COMMD6: variants seen among roughly 807,000 people sequenced by gnomAD.
COMMD6 encodes COMM domain containing 6.
COMMD6 carries 11 observed loss-of-function variants against 13.4 expected under a neutral mutation model. The ratio of observed to expected loss-of-function variants is 0.82; its 90% CI spans 0.52 to 1.36. COMMD6 has a LOEUF of 1.36. Ranked by LOEUF, COMMD6 falls within the 40% of genes most tolerant of loss-of-function variation. The pLI, the probability that COMMD6 is intolerant of heterozygous loss-of-function variation, is 0.00. For synonymous variants in COMMD6, 43 were observed against 36.5 expected, an observed-to-expected ratio of 1.18 and a Z score of -0.64; for missense variants, 124 against 102.4, an observed-to-expected ratio of 1.21 and a Z score of -0.91.
intron 3 of COMMD6, 106 bp from the exon 4 acceptor site, chr13:75,526,745 G>A (rs948378140): frequency 1.5e-6 from 1 of 666,234 alleles, no homozygotes; most frequent in Non-Finnish European, 2.4e-6. Context: ...TATTAAGTTT[G>A]CATTTTAGTG....
chr13:75,537,897 A>T, upstream of COMMD6: 1 of 1,355,796 alleles, frequency 7.4e-7, no homozygotes, highest in Non-Finnish European at 1.0e-6. Flanking sequence ...GGCCTGGCGC[A>T]TGGGGCGGAC....
At chr13:75,543,138 T>A (rs1169129394), upstream of COMMD6, among the ~76,000 whole-genome samples, 1 of 152,146 alleles carries the variant, frequency 6.6e-6, no homozygotes, top group Non-Finnish European at 1.5e-5. Flanking sequence ...TGAGTATACA[T>A]GAACATAAAG....
chr13:75,527,075 A>G (rs2030289219), intron 3 of COMMD6, among the ~76,000 whole-genome samples: 1 of 152,188 alleles, frequency 6.6e-6, no homozygotes, highest in Admixed American at 6.5e-5. Flanking sequence ...AACATTAACT[A>G]TGGTTTATAT....
intron 2 of COMMD6, chr13:75,537,382 C>CGT: frequency 6.4e-7 from 1 of 1,550,940 alleles, no homozygotes; most frequent in Non-Finnish European, 8.7e-7. Flanking sequence ...TTTAAAATAC[C>CGT]GTGTTCCTGG....
In COMMD6 at chr13:75,537,765, T is replaced by C. The variant is rs1380585434; in HGVS notation, c.41A>G (p.Asp14Gly). 3.1e-6 allele frequency: 5 copies of C among 1,613,432 alleles called. No individual in the cohort carries two copies. The highest frequency in any genetic ancestry group is 1.6e-4 in the Middle Eastern group (1 of 6,078). The change falls in exon 1 of 4, where the codon GAT (aspartate) becomes GGT (glycine). Residue 14 changes from aspartate to glycine, a missense_variant and splice_region_variant. Coordinates refer to ENST00000682242, the MANE Select transcript of COMMD6 (RefSeq NM_203495.4). ...CTCTCCTTCCAGGTTGGAACTCACA[T>C]CGGACTTAGCATCCAGCGGCGGCTC... ...SSEPPLDAKSDVTNQLVDFQW... is the reference protein window; with the variant it reads ...SSEPPLDAKSGVTNQLVDFQW...
intron 1 of COMMD6, among the ~76,000 whole-genome samples, chr13:75,547,157 G>A (rs889765752): frequency 2.6e-5 from 4 of 152,158 alleles, no homozygotes; most frequent in African/African-American, 7.2e-5. Flanking sequence ...AGTTGAGCAC[G>A]ATGCTTGGGG....
At chr13:75,538,898 G>A (rs534155979), upstream of COMMD6, 8 of 152,216 alleles carry the variant, frequency 5.3e-5, no homozygotes, top group East Asian at 3.9e-4. Flanking sequence ...GGGTTTGGGT[G>A]GGGGACAGGG....
chr13:75,532,687 C>T (rs989724526), intron 2 of COMMD6, among the ~76,000 whole-genome samples: 9 of 151,998 alleles, frequency 5.9e-5, no homozygotes, highest in African/African-American at 9.7e-5. Context: ...AAAAATTAGC[C>T]GGGTGTGGTG....
chr13:75,537,468 G>A lies in COMMD6; in HGVS notation c.54+196C>T, dbSNP rs760052901. 3 of 1,552,020 alleles carry A rather than the reference G, an allele frequency of 1.9e-6. No homozygotes were observed. The African/African-American group carries it at 4.1e-5, about 21-fold the overall frequency. On this transcript the variant is annotated intron_variant, in intron 2 of 3. Coordinates refer to ENST00000682242, the MANE Select transcript of COMMD6 (RefSeq NM_203495.4). ...CTTCGGGCTAGTGCAGGGTGGGGAA[G>A]AGGAGCTTTCATTACAATGGCAACG...
chr13:75,539,373 G>A (rs560153838), upstream of COMMD6, among the ~76,000 whole-genome samples: 4 of 152,190 alleles, frequency 2.6e-5, no homozygotes, highest in Admixed American at 2.0e-4. Context: ...TTGAGTAGCT[G>A]AGATTGCAGA....
chr13:75,540,622 T>G (rs2030813515), upstream of COMMD6, among the ~76,000 whole-genome samples: 1 of 152,250 alleles, frequency 6.6e-6, no homozygotes, highest in Non-Finnish European at 1.5e-5. Flanking sequence ...TGTTTATGTT[T>G]CAGACCTCCA....
chr13:75,527,584 A>AT (rs1291045320), intron 3 of COMMD6, among the ~76,000 whole-genome samples: 1 of 152,134 alleles, frequency 6.6e-6, no homozygotes, highest in Non-Finnish European at 1.5e-5. Context: ...TTTTGTGTAT[A>AT]TTTATATTTA....
upstream of COMMD6, chr13:75,538,032 G>A: frequency 4.4e-6 from 2 of 454,450 alleles, no homozygotes; most frequent in East Asian, 6.7e-5. Flanking sequence ...AGATTTGGGA[G>A]ATACTTTGAG....
intron 3 of COMMD6, among the ~76,000 whole-genome samples, chr13:75,528,639 T>G (rs1306842463): frequency 2.0e-5 from 3 of 151,988 alleles, no homozygotes; most frequent in Non-Finnish European, 4.4e-5. Flanking sequence ...GTCAGGAGTT[T>G]CAGACCAGCC....
intron 3 of COMMD6, 192 bp downstream of exon 3, chr13:75,529,922 A>G (rs1280107057): frequency 7.4e-6 from 4 of 541,364 alleles, no homozygotes; most frequent in African/African-American, 1.9e-5. Flanking sequence ...TCAGCACATT[A>G]TATTGAAAAT....
chr13:75,548,165 C>G (rs1361015383), intron 1 of COMMD6, among the ~76,000 whole-genome samples: 1 of 152,322 alleles, frequency 6.6e-6, no homozygotes, highest in East Asian at 1.9e-4. Flanking sequence ...AAAAGCAGCC[C>G]CTGGCATGCA....
upstream of COMMD6, chr13:75,537,923 G>GA (rs1220025834): frequency 5.2e-5 from 53 of 1,018,914 alleles, no homozygotes; most frequent in Non-Finnish European, 7.5e-5. Flanking sequence ...AGGGGAAGCT[G>GA]AAAAAAGCAT....
chr13:75,532,080 A>T (rs1290051648), intron 2 of COMMD6, among the ~76,000 whole-genome samples: 2 of 152,246 alleles, frequency 1.3e-5, no homozygotes, highest in Non-Finnish European at 2.9e-5. Context: ...AACTTGAGAA[A>T]CAGGTGGTAA....
rs1317017556 is a variant in COMMD6, at chr13:75,525,628, G to C, written c.*961C>G. 6.6e-6 allele frequency: 1 copy of C among 152,302 alleles called. No homozygotes were observed. The highest frequency in any genetic ancestry group is 2.4e-5 in the African/African-American group (1 of 41,472). 9.4% of individuals were successfully genotyped at this position (152,302 alleles called of 1,614,324 possible). ...AAGCTGGTAGGAATCTGAGCGCACA[G>C]GTGGGCTGCGGCAGGCAGCAGTCCT... On this transcript the variant is annotated 3_prime_UTR_variant, in exon 4 of 4. Coordinates refer to ENST00000682242, the MANE Select transcript of COMMD6 (RefSeq NM_203495.4).
Sources: allele counts gnomAD v4.1 joint callset (sites outside exome capture counted in the v4.1 genomes callset), GRCh38; gene constraint gnomAD v4.1.1; transcripts MANE v1.5; gene names NCBI Gene and HGNC (gene_info 2026-07-23, HGNC 2026-07-21).